The following ARMH3 variants were observed in gnomAD, a reference collection of about 807,000 sequenced individuals.
ARMH3 encodes the protein armadillo like helical domain containing 3, also known as armadillo-like helical domain-containing protein 3.
Under a neutral mutation model 99.1 loss-of-function variants are expected in ARMH3, and 60 were observed. The observed-to-expected ratio is 0.61, with a 90% CI of 0.49 to 0.75. The LOEUF (loss-of-function observed/expected upper bound fraction) is 0.75, where lower values mean the gene tolerates loss of function less well. ARMH3 is among the 30% of genes least tolerant of loss of function. The probability of loss-of-function intolerance (pLI) is 0.00; values close to 1 mark genes in which losing one functional copy is unlikely to be tolerated. For synonymous variants in ARMH3, 285 were observed against 292.8 expected (o/e 0.97, Z 0.27); for missense variants, 679 against 843.1 (o/e 0.81, Z 2.41).
At chr10:102,009,169 C>A (rs1005678991) in intron 13 of ARMH3, among the ~76,000 whole-genome samples, 1 of 152,086 alleles carries the variant, frequency 6.6e-6, no homozygotes, top group Non-Finnish European at 1.5e-5. Flanking sequence ...TAACTTTGCA[C>A]GTTATTAGAC....
chr10:102,046,073 C>A (rs1564883133), intron 1 of ARMH3, among the ~76,000 whole-genome samples: 1 of 151,880 alleles, frequency 6.6e-6, no homozygotes, highest in South Asian at 2.1e-4. Context: ...CCAGCCTGGG[C>A]AACAACAGTT....
intron 16 of ARMH3, 97 bp downstream of exon 16, chr10:101,995,200 C>T (rs79697537): frequency 1.9e-6 from 2 of 1,039,164 alleles, no homozygotes; most frequent in African/African-American, 1.6e-5. Flanking sequence ...AACTTTAGGA[C>T]CCTAAATGTC....
intron 5 of ARMH3, 97 bp downstream of exon 5, chr10:102,029,541 T>C: frequency 6.2e-7 from 1 of 1,611,560 alleles, no homozygotes; most frequent in Non-Finnish European, 8.5e-7. Context: ...TGTATCTTTC[T>C]GAGTCCAAAT....
intron 24 of ARMH3, among the ~76,000 whole-genome samples, chr10:101,878,440 G>C (rs2067322516): frequency 6.6e-6 from 1 of 151,384 alleles, no homozygotes; most frequent in East Asian, 1.9e-4. Context: ...TTTGAGACCA[G>C]CCTAGCCTGG....
At chr10:101,913,617 C>T (rs558990388) in intron 23 of ARMH3, among the ~76,000 whole-genome samples, 3 of 152,240 alleles carry the variant, frequency 2.0e-5, no homozygotes, top group Non-Finnish European at 4.4e-5. Context: ...CTTCCTGCCT[C>T]GGCCTCCCAA....
chr10:102,030,053 T>G lies in ARMH3; in HGVS notation c.307-308A>C, dbSNP rs898719474. On this transcript the variant is annotated intron_variant, in intron 4 of 25. Transcript: ENST00000370033. ...CTCCCACCTCAGCCTTCCAAGTAGC[T>G]GAGATGACAGGTGTGCTCCACCACA... Among the ~76,000 whole-genome samples, 8 of 152,006 alleles carry G rather than the reference T, an allele frequency of 5.3e-5. 1 individual carries two copies. Among genetic ancestry groups the G allele is most frequent in the Admixed American group, 5.2e-4 (8 of 15,264 alleles).
chr10:101,972,087 G>C (rs1845794687), intron 20 of ARMH3, among the ~76,000 whole-genome samples: 1 of 152,078 alleles, frequency 6.6e-6, no homozygotes, highest in South Asian at 2.1e-4. Context: ...AGTAGATCAG[G>C]GCTCGTATCT....
chr10:102,038,486 TG>T (rs1395092376), intron 2 of ARMH3, among the ~76,000 whole-genome samples: 2 of 152,214 alleles, frequency 1.3e-5, no homozygotes, highest in African/African-American at 4.8e-5. Flanking sequence ...TTCTGCACTC[TG>T]TTTCCAAGGC....
At chr10:101,889,660 GA>G in intron 23 of ARMH3, 170 bp from the exon 24 acceptor site, 1 of 658,104 alleles carries the variant, frequency 1.5e-6, no homozygotes, top group Non-Finnish European at 2.8e-6. Flanking sequence ...GGGGTGAATT[GA>G]TAACTCTGAA....
At chr10:101,894,663 A>G (rs2067774675) in intron 23 of ARMH3, among the ~76,000 whole-genome samples, 1 of 152,124 alleles carries the variant, frequency 6.6e-6, no homozygotes, top group Non-Finnish European at 1.5e-5. Context: ...CACCTCCAAA[A>G]GGATTTACTA....
intron 8 of ARMH3, among the ~76,000 whole-genome samples, chr10:102,014,973 A>C (rs749538503): frequency 6.6e-6 from 1 of 152,094 alleles, no homozygotes; most frequent in African/African-American, 2.4e-5. Flanking sequence ...AAACTTGAAA[A>C]CCCAACTGAA....
intron 24 of ARMH3, among the ~76,000 whole-genome samples, chr10:101,857,532 G>C (rs2066763284): frequency 6.6e-6 from 1 of 152,184 alleles, no homozygotes; most frequent in South Asian, 2.1e-4. Context: ...GGTCCAAGCA[G>C]CTTCAGGCAG....
intron 5 of ARMH3, among the ~76,000 whole-genome samples, chr10:102,028,995 C>T (rs1054158584): frequency 6.6e-6 from 1 of 152,156 alleles, no homozygotes; most frequent in Non-Finnish European, 1.5e-5. Flanking sequence ...CTTCAGCCTC[C>T]CCCAACTAGC....
At chr10:101,996,926 C>T (rs1268295861) in intron 15 of ARMH3, among the ~76,000 whole-genome samples, 2 of 152,000 alleles carry the variant, frequency 1.3e-5, no homozygotes, top group East Asian at 1.9e-4. Flanking sequence ...CCACCAAAGT[C>T]AGAAAAATCC....
At chr10:101,914,415 G>A (rs1477667018) in intron 23 of ARMH3, among the ~76,000 whole-genome samples, 1 of 150,324 alleles carries the variant, frequency 6.7e-6, no homozygotes, top group Non-Finnish European at 1.5e-5. Flanking sequence ...TTGAACTCAG[G>A]AGGCAGAGGT....
chr10:101,880,676 A>G (rs1256518606), intron 24 of ARMH3, among the ~76,000 whole-genome samples: 1 of 152,148 alleles, frequency 6.6e-6, no homozygotes, highest in Non-Finnish European at 1.5e-5. Flanking sequence ...AGCAATTGTT[A>G]AACATTTACT....
rs528281210 is a variant in ARMH3, at chr10:101,983,349, A to C, written c.1406+7202T>G. On this transcript the variant is annotated intron_variant, in intron 19 of 25. Coordinates refer to ENST00000370033, the MANE Select transcript of ARMH3 (RefSeq NM_024541.3). ...TAGGCTGGAATGCAGTGGTGCAATC[A>C]CGGCTCACCGCAGCCTTGACCTCCA... Among the ~76,000 whole-genome samples the C allele has an allele frequency of 2.4e-4, 37 of 152,210 alleles. 1 individual carries two copies. The South Asian group carries it at 7.7e-3, about 32-fold the overall frequency.
At position 102,006,233 on chromosome 10, in the gene ARMH3, C is replaced by A. The variant is rs531196402; in HGVS notation, c.1048+307G>T. The stretch of plus-strand genomic sequence containing the variant: ...CACAAAATATCTCATCTGAGCCTCA[C>A]AAGGACTCTGAGAGTGTGGCAGGAC... On this transcript the variant is annotated intron_variant, in intron 14 of 25. Transcript: ENST00000370033. Among the ~76,000 whole-genome samples the A allele has an allele frequency of 9.7e-4, 148 of 152,352 alleles. 2 individuals are homozygous for A. Among genetic ancestry groups the A allele is most frequent in the Non-Finnish European group, 1.3e-4 (9 of 68,034 alleles).
intron 24 of ARMH3, among the ~76,000 whole-genome samples, chr10:101,880,242 T>C (rs759681085): frequency 6.6e-6 from 1 of 152,226 alleles, no homozygotes; most frequent in Non-Finnish European, 1.5e-5. Flanking sequence ...CTTCAGCACA[T>C]GTCTCTGCCA....
Sources: gnomAD v4.1 joint callset for allele counts (sites outside exome capture counted in the v4.1 genomes callset) on GRCh38, gnomAD v4.1.1 for gene constraint, MANE v1.5 for transcripts, NCBI Gene and HGNC (gene_info 2026-07-23, HGNC 2026-07-21) for gene names.